THSD7A: variants seen among roughly 807,000 people sequenced by gnomAD.
THSD7A encodes the protein thrombospondin type-1 domain-containing protein 7A.
THSD7A carries 96 observed loss-of-function variants against 231.3 expected under a neutral mutation model. The observed-to-expected ratio is 0.41, with a 90% confidence interval of 0.35 to 0.49. The LOEUF is 0.49. Ranked by LOEUF, THSD7A falls within the 20% of genes least tolerant of loss-of-function variation. The probability of loss-of-function intolerance (pLI) is 0.05; values close to 1 mark genes in which losing one functional copy is unlikely to be tolerated. For missense variants in THSD7A, 2,290 were observed against 2,070.2 expected (o/e 1.11, Z -2.06); for synonymous variants, 940 against 743.3 (o/e 1.26, Z -4.30).
chr7:11,750,431 C>T (rs10229322), intron 1 of THSD7A, among the ~76,000 whole-genome samples: 4,042 of 152,008 alleles, frequency 0.027, 192 homozygotes, highest in African/African-American at 0.093. Flanking sequence ...AAGTCCTAGT[C>T]TCCAAATTCA....
chr7:11,480,660 G>A (rs557090946), intron 7 of THSD7A, among the ~76,000 whole-genome samples: 2 of 152,158 alleles, frequency 1.3e-5, no homozygotes, highest in Non-Finnish European at 2.9e-5. Context: ...TTTCACACAG[G>A]TTGGCTTTTC....
At chr7:11,572,681 T>A (rs1399607427) in intron 4 of THSD7A, among the ~76,000 whole-genome samples, 1 of 151,730 alleles carries the variant, frequency 6.6e-6, no homozygotes, top group Admixed American at 6.6e-5. Context: ...CAAATTAATT[T>A]TTTTTTTTGG....
intron 1 of THSD7A, among the ~76,000 whole-genome samples, chr7:11,706,176 T>C (rs919164501): frequency 4.6e-5 from 7 of 151,002 alleles, no homozygotes; most frequent in Non-Finnish European, 1.0e-4. Flanking sequence ...CTTACATTAA[T>C]ATGTGCTGCT....
At chr7:11,542,890 G>C in intron 5 of THSD7A, 72 bp downstream of exon 5, 1 of 1,484,026 alleles carries the variant, frequency 6.7e-7, no homozygotes, top group Non-Finnish European at 9.1e-7. Context: ...ACACAGAAGA[G>C]CATTTTAAAA....
At chr7:11,604,002 C>T (rs1780649364) in intron 2 of THSD7A, among the ~76,000 whole-genome samples, 1 of 149,292 alleles carries the variant, frequency 6.7e-6, no homozygotes, top group Admixed American at 6.7e-5. Flanking sequence ...ACAATGTGCA[C>T]ATGTACCCTA....
intron 4 of THSD7A, among the ~76,000 whole-genome samples, chr7:11,562,060 G>C (rs1790100314): frequency 6.6e-6 from 1 of 152,096 alleles, no homozygotes; most frequent in South Asian, 2.1e-4. Flanking sequence ...AATGATATAA[G>C]TTTTCAAAAC....
At chr7:11,522,660 T>C (rs920450233) in intron 6 of THSD7A, among the ~76,000 whole-genome samples, 8 of 152,270 alleles carry the variant, frequency 5.3e-5, no homozygotes, top group African/African-American at 1.9e-4. Context: ...ATGCTAATTA[T>C]TGAAAATAAG....
intron 1 of THSD7A, among the ~76,000 whole-genome samples, chr7:11,730,980 C>T (rs1047171302): frequency 6.6e-6 from 1 of 151,634 alleles, no homozygotes; most frequent in Non-Finnish European, 1.5e-5. Flanking sequence ...CATACATAGT[C>T]TTATTTTGCA....
At position 11,778,019 on chromosome 7, in the gene THSD7A, T is replaced by A. The variant is rs1254422843; in HGVS notation, c.190+53738A>T. ...AAAAAAAAAAAAAATTAGCCGGGCG[T>A]AGTGGCGGGCGCCTGTAGTCCCAGC... On this transcript the variant is annotated intron_variant, in intron 1 of 27. Coordinates refer to ENST00000423059, the MANE Select transcript of THSD7A (RefSeq NM_015204.3). Among the ~76,000 whole-genome samples, 322 of 145,752 alleles carry A rather than the reference T, an allele frequency of 2.2e-3. 3 individuals are homozygous for A. Among genetic ancestry groups the A allele is most frequent in the African/African-American group, 7.8e-3 (312 of 39,976 alleles).
rs538412985 is a variant in THSD7A at position 11,757,279 on chromosome 7, G to T, written c.190+74478C>A. ...ATCTATTTTCATGTTTAACCATATT[G>T]GTTGGCACATATTTAATGACTGTAA... On this transcript the variant is annotated intron_variant, in intron 1 of 27. Coordinates refer to ENST00000423059, the MANE Select transcript of THSD7A (RefSeq NM_015204.3). Among the ~76,000 whole-genome samples, 12 of 152,046 alleles carry T rather than the reference G, an allele frequency of 7.9e-5. No individual in the cohort carries two copies. In the East Asian group the frequency reaches 2.1e-3, roughly 27 times the overall value.
intron 6 of THSD7A, among the ~76,000 whole-genome samples, chr7:11,486,556 ATTTGTG>A (rs1223256324): frequency 6.6e-6 from 1 of 151,712 alleles, no homozygotes; most frequent in Admixed American, 6.6e-5. Context: ...CACTACTGTG[ATTTGTG>A]TAGTTCTATC....
intron 1 of THSD7A, among the ~76,000 whole-genome samples, chr7:11,655,294 T>C (rs888317074): frequency 1.6e-4 from 25 of 152,066 alleles, no homozygotes; most frequent in African/African-American, 6.0e-4. Flanking sequence ...TGTAACACAG[T>C]CTTTCTGTGT....
intron 4 of THSD7A, among the ~76,000 whole-genome samples, chr7:11,581,631 T>C (rs1474860890): frequency 1.3e-5 from 2 of 152,078 alleles, no homozygotes; most frequent in African/African-American, 4.8e-5. Flanking sequence ...TTTGGTAACA[T>C]GATTGCTTCT....
At chr7:11,552,809 A>G (rs1380212704) in intron 4 of THSD7A, among the ~76,000 whole-genome samples, 4 of 152,082 alleles carry the variant, frequency 2.6e-5, no homozygotes, top group African/African-American at 9.7e-5. Flanking sequence ...GCATAATAAG[A>G]TTAGGGCTGA....
chr7:11,737,369 C>T (rs1488422614), intron 1 of THSD7A, among the ~76,000 whole-genome samples: 1 of 151,888 alleles, frequency 6.6e-6, no homozygotes, highest in South Asian at 2.1e-4. Context: ...CGGTGAGGCT[C>T]TTAGCCAGGC....
At chr7:11,622,794 A>G (rs1425982807) in intron 2 of THSD7A, among the ~76,000 whole-genome samples, 1 of 152,202 alleles carries the variant, frequency 6.6e-6, no homozygotes, top group Non-Finnish European at 1.5e-5. Context: ...TGTCATGAAT[A>G]GATTATATGA....
At chr7:11,793,150 A>G (rs1418721105) in intron 1 of THSD7A, among the ~76,000 whole-genome samples, 2 of 151,992 alleles carry the variant, frequency 1.3e-5, no homozygotes, top group East Asian at 1.9e-4. Context: ...GCTGAAAAAA[A>G]TGAGATGAAA....
chr7:11,649,577 T>C (rs908015324), intron 1 of THSD7A, among the ~76,000 whole-genome samples: 1 of 151,944 alleles, frequency 6.6e-6, no homozygotes, highest in African/African-American at 2.4e-5. Flanking sequence ...AGTGTGTTGG[T>C]AAAAGCCAAA....
Position 11,379,295 on chromosome 7 carries a change from G to GAAGA in THSD7A, c.4591-19_4591-16dup. ...CATGTTTTTGTCTGCAGGAGAACAAGAAGATTTATACTAGCCATGCAAGGA... is the reference window on the plus strand; with the variant it reads ...CATGTTTTTGTCTGCAGGAGAACAAGAAGAAAGATTTATACTAGCCATGCAAGGA... On this transcript the variant is annotated splice_polypyrimidine_tract_variant and intron_variant, in intron 25 of 27. Coordinates refer to ENST00000423059, the MANE Select transcript of THSD7A (RefSeq NM_015204.3). 6.2e-7 allele frequency: 1 copy of GAAGA among 1,612,824 alleles called. No individual in the cohort carries two copies. The highest frequency in any genetic ancestry group is 8.5e-7 in the Non-Finnish European group (1 of 1,178,974).
Sources: allele counts gnomAD v4.1 joint callset (sites outside exome capture counted in the v4.1 genomes callset), GRCh38; gene constraint gnomAD v4.1.1; transcripts MANE v1.5; gene names NCBI Gene and HGNC (gene_info 2026-07-23, HGNC 2026-07-21).